Variants in ZNF804B observed in about 807,000 individuals in gnomAD.
ZNF804B encodes the protein zinc finger 804B.
Under a neutral mutation model 101.4 loss-of-function variants are expected in ZNF804B, and 80 were observed. The observed-to-expected ratio is 0.79, with a 90% CI of 0.66 to 0.95. The LOEUF (loss-of-function observed/expected upper bound fraction) is 0.95. ZNF804B is among the 40% of genes least tolerant of loss of function. ZNF804B has a pLI of 0.00. For synonymous variants in ZNF804B, 622 were observed against 558.8 expected, an observed-to-expected ratio of 1.11 and a Z score of -1.59; for missense variants, 1,673 against 1,561.9, an observed-to-expected ratio of 1.07 and a Z score of -1.20.
At chr7:89,314,638 TC>T (rs1276286370) in intron 2 of ZNF804B, among the ~76,000 whole-genome samples, 1 of 152,150 alleles carries the variant, frequency 6.6e-6, no homozygotes, top group Non-Finnish European at 1.5e-5. Flanking sequence ...TCCCAAGAAT[TC>T]CACAAGGTAG....
chr7:89,325,731 G>A lies in ZNF804B; in HGVS notation c.250-1613G>A, dbSNP rs533162925. ...TTTATTATACAAGTTTTGTGTGCTG[G>A]TAATACCTAATATTAAATAAGTATA... On this transcript the variant is annotated intron_variant, in intron 2 of 3. Coordinates refer to ENST00000333190, the MANE Select transcript of ZNF804B (RefSeq NM_181646.5). Among the ~76,000 whole-genome samples, 3 of 151,788 alleles carry A rather than the reference G, an allele frequency of 2.0e-5. No homozygotes were observed. In the Admixed American group the frequency reaches 2.0e-4, roughly 10 times the overall value.
At chr7:89,169,729 A>C (rs953759592) in intron 1 of ZNF804B, among the ~76,000 whole-genome samples, 4 of 152,240 alleles carry the variant, frequency 2.6e-5, no homozygotes, top group African/African-American at 9.6e-5. Context: ...ATATTTTATC[A>C]GTAAAAAAAT....
At chr7:89,177,934 CA>C (rs34250305) in intron 1 of ZNF804B, among the ~76,000 whole-genome samples, 30,512 of 140,282 alleles carry the variant, frequency 0.22, 3,253 homozygotes, top group Middle Eastern at 0.4. Flanking sequence ...GACTCTGTCT[CA>C]AAAAAAAAAA....
At chr7:88,849,557 T>C (rs1791420886) in intron 1 of ZNF804B, among the ~76,000 whole-genome samples, 1 of 151,628 alleles carries the variant, frequency 6.6e-6, no homozygotes, top group Non-Finnish European at 1.5e-5. Context: ...TGGAGTGCAG[T>C]GGCATGATTT....
rs998633126 is a variant in ZNF804B at position 88,935,780 on chromosome 7, A to T, written c.108+175696A>T. On this transcript the variant is annotated intron_variant, in intron 1 of 3. Transcript: ENST00000333190. ...GCCATAAGTTTTCAGGAAAATTACT[A>T]AAAAAATTTTTTTATCCTATTTGGA... Among the ~76,000 whole-genome samples, 35 of 152,058 alleles carry T rather than the reference A, an allele frequency of 2.3e-4. No homozygotes were observed. The East Asian group carries it at 4.1e-3, about 18-fold the overall frequency.
chr7:89,289,806 C>G (rs1301210738), intron 2 of ZNF804B, among the ~76,000 whole-genome samples: 6 of 152,198 alleles, frequency 3.9e-5, no homozygotes, highest in Admixed American at 3.9e-4. Context: ...AACTCTTAGG[C>G]AAGGCCTAGT....
At chr7:89,052,873 C>A (rs1789229923) in intron 1 of ZNF804B, among the ~76,000 whole-genome samples, 1 of 152,136 alleles carries the variant, frequency 6.6e-6, no homozygotes, top group Non-Finnish European at 1.5e-5. Context: ...CACTACTTAC[C>A]CTTTGGTCAT....
At chr7:88,860,556 G>A (rs1425677080) in intron 1 of ZNF804B, among the ~76,000 whole-genome samples, 2 of 151,996 alleles carry the variant, frequency 1.3e-5, no homozygotes, top group Admixed American at 1.3e-4. Context: ...CTTACCCAAG[G>A]TTCATGTGAA....
At chr7:88,930,006 T>C (rs1452757043) in intron 1 of ZNF804B, among the ~76,000 whole-genome samples, 2 of 151,956 alleles carry the variant, frequency 1.3e-5, no homozygotes, top group African/African-American at 4.8e-5. Context: ...ATGTATGTTT[T>C]GGTTCTATTC....
At chr7:88,857,817 C>CATTTCTTTTT (rs1791590339) in intron 1 of ZNF804B, among the ~76,000 whole-genome samples, 1 of 74,300 alleles carries the variant, frequency 1.3e-5, no homozygotes. Flanking sequence ...CCTTTCCTTT[C>CATTTCTTTTT]TTTTCTTTTT....
intron 1 of ZNF804B, among the ~76,000 whole-genome samples, chr7:88,995,105 C>T (rs560667914): frequency 6.6e-6 from 1 of 152,022 alleles, no homozygotes; most frequent in East Asian, 1.9e-4. Context: ...TATCGCCTGC[C>T]TATCTATTGC....
At chr7:88,989,145 C>G (rs962611155) in intron 1 of ZNF804B, among the ~76,000 whole-genome samples, 5 of 151,786 alleles carry the variant, frequency 3.3e-5, no homozygotes, top group Admixed American at 3.3e-4. Flanking sequence ...GCCTCAGCCT[C>G]CCAAGTAGCT....
rs901736260 is a variant in ZNF804B, at chr7:89,297,612, G to A, written c.250-29732G>A. ...ATTTATCACTTTATTTGGGGGTAGG[G>A]TACCTTTCCTTTTGATGTAGTTTCA... On this transcript the variant is annotated intron_variant, in intron 2 of 3. Coordinates refer to ENST00000333190, the MANE Select transcript of ZNF804B (RefSeq NM_181646.5). 2.6e-5 allele frequency among the ~76,000 whole-genome samples: 4 copies of A among 152,052 alleles called. No individual in the cohort carries two copies. In the South Asian group the frequency reaches 6.2e-4, roughly 24 times the overall value.
intron 1 of ZNF804B, among the ~76,000 whole-genome samples, chr7:89,016,210 T>G (rs868767834): frequency 0.023 from 3,446 of 152,262 alleles, 128 homozygotes; most frequent in African/African-American, 0.078. Context: ...TAAATTTGTT[T>G]GAGTTCATTG....
chr7:88,822,405 A>G (rs1790996961), intron 1 of ZNF804B, among the ~76,000 whole-genome samples: 1 of 152,172 alleles, frequency 6.6e-6, no homozygotes, highest in Non-Finnish European at 1.5e-5. Flanking sequence ...ATTACTGTTT[A>G]TAGTTATCGC....
chr7:89,120,140 C>A (rs950758377), intron 1 of ZNF804B, among the ~76,000 whole-genome samples: 16 of 152,040 alleles, frequency 1.1e-4, no homozygotes, highest in Non-Finnish European at 2.2e-4. Flanking sequence ...AGACTTAAAA[C>A]TGAAGTCTAC....
intron 1 of ZNF804B, among the ~76,000 whole-genome samples, chr7:88,942,562 C>T (rs1444620567): frequency 7.0e-6 from 1 of 143,504 alleles, no homozygotes; most frequent in East Asian, 2.1e-4. Context: ...GGTCTTTGTT[C>T]TGTTCACTGA....
intron 1 of ZNF804B, among the ~76,000 whole-genome samples, chr7:89,081,934 C>T (rs1789704014): frequency 6.6e-6 from 1 of 151,738 alleles, no homozygotes; most frequent in Non-Finnish European, 1.5e-5. Flanking sequence ...CTTTCAATTT[C>T]ATAAATTTAC....
intron 1 of ZNF804B, among the ~76,000 whole-genome samples, chr7:88,806,805 T>G (rs1384184055): frequency 6.6e-6 from 1 of 152,128 alleles, no homozygotes; most frequent in African/African-American, 2.4e-5. Context: ...ATTTAATAAG[T>G]TTCTAGAGGT....
Sources: gnomAD v4.1 joint callset for allele counts (sites outside exome capture counted in the v4.1 genomes callset) on GRCh38, gnomAD v4.1.1 for gene constraint, MANE v1.5 for transcripts, NCBI Gene and HGNC (gene_info 2026-07-23, HGNC 2026-07-21) for gene names.